Variants in STPG2 observed in about 807,000 individuals in gnomAD.
The protein encoded by STPG2 is sperm tail PG-rich repeat containing 2.
In STPG2, 56 loss-of-function variants were observed where a neutral mutation model predicts 54.2. That is an observed-to-expected ratio of 1.03 (90% CI 0.83 to 1.29). The LOEUF (loss-of-function observed/expected upper bound fraction) is 1.29, where lower values mean the gene tolerates loss of function less well. STPG2 is among the 50% of genes most tolerant of loss of function. STPG2 has a pLI of 0.00. For missense variants in STPG2, 596 were observed against 544.9 expected (o/e 1.09, Z -0.93); for synonymous variants, 200 against 181.8 (o/e 1.10, Z -0.81).
At chr4:97,951,485 A>T (rs1407397821) in intron 7 of STPG2, among the ~76,000 whole-genome samples, 1 of 151,392 alleles carries the variant, frequency 6.6e-6, no homozygotes, top group Non-Finnish European at 1.5e-5. Context: ...GTTTTATTTG[A>T]CTGTGTTTTT....
At chr4:97,906,494 G>T (rs1165549697) in intron 8 of STPG2, among the ~76,000 whole-genome samples, 3 of 152,160 alleles carry the variant, frequency 2.0e-5, no homozygotes, top group Non-Finnish European at 4.4e-5. Context: ...GAAAAAGAGA[G>T]AATCCTCCCT....
chr4:97,677,661 C>T (rs1180480207), intron 10 of STPG2, among the ~76,000 whole-genome samples: 1 of 152,174 alleles, frequency 6.6e-6, no homozygotes, highest in Non-Finnish European at 1.5e-5. Context: ...GCAACCCTTT[C>T]CTTTCTCTCC....
At chr4:97,859,793 T>G (rs1430063417) in intron 8 of STPG2, among the ~76,000 whole-genome samples, 2 of 152,216 alleles carry the variant, frequency 1.3e-5, no homozygotes, top group South Asian at 2.1e-4. Flanking sequence ...TCATCAACTC[T>G]TGGCCTAAGC....
At chr4:97,673,045 C>T (rs996971313) in intron 10 of STPG2, among the ~76,000 whole-genome samples, 1 of 152,186 alleles carries the variant, frequency 6.6e-6, no homozygotes, top group Admixed American at 6.5e-5. Flanking sequence ...ATCTGTGTTG[C>T]TTTTCCAGAA....
intron 5 of STPG2, among the ~76,000 whole-genome samples, chr4:97,988,397 A>G (rs2149267599): frequency 6.6e-6 from 1 of 152,242 alleles, no homozygotes; most frequent in Non-Finnish European, 1.5e-5. Context: ...AGAAAGGTCA[A>G]GTCATTTTCT....
chr4:97,559,170 A>G (rs1732156715), intron 10 of STPG2, 53 bp from the exon 11 acceptor site: 1 of 1,152,996 alleles, frequency 8.7e-7, no homozygotes, highest in African/African-American at 1.6e-5. Context: ...TACAAAAAGA[A>G]AAATAATATT....
At chr4:97,884,624 C>T (rs1214229177) in intron 8 of STPG2, among the ~76,000 whole-genome samples, 1 of 151,998 alleles carries the variant, frequency 6.6e-6, no homozygotes. Context: ...GGTATTTGTT[C>T]AAGCAGCACT....
chr4:97,899,674 TAC>T (rs1310107927), intron 8 of STPG2, among the ~76,000 whole-genome samples: 2 of 152,076 alleles, frequency 1.3e-5, no homozygotes, highest in Non-Finnish European at 2.9e-5. Flanking sequence ...GCTGCACATC[TAC>T]AACCATCTGA....
intron 5 of STPG2, among the ~76,000 whole-genome samples, chr4:97,989,878 T>C (rs1734953758): frequency 6.6e-6 from 1 of 152,260 alleles, no homozygotes; most frequent in African/African-American, 2.4e-5. Flanking sequence ...CATGCAATTT[T>C]AAACCAAATT....
intron 10 of STPG2, among the ~76,000 whole-genome samples, chr4:97,679,992 GT>G (rs1015066032): frequency 7.9e-5 from 12 of 152,064 alleles, no homozygotes; most frequent in Admixed American, 7.2e-4. Flanking sequence ...TTATATCTCT[GT>G]TTTGGTACCA....
At chr4:98,063,709 T>A (rs1737735520) in intron 5 of STPG2, among the ~76,000 whole-genome samples, 1 of 151,618 alleles carries the variant, frequency 6.6e-6, no homozygotes, top group Non-Finnish European at 1.5e-5. Flanking sequence ...CAAGTCTATA[T>A]CAAAATAAAA....
At chr4:97,571,404 G>A (rs919873744) in intron 10 of STPG2, among the ~76,000 whole-genome samples, 8 of 152,058 alleles carry the variant, frequency 5.3e-5, no homozygotes, top group African/African-American at 1.9e-4. Flanking sequence ...GGTCGAACGT[G>A]CCTCATTATA....
intron 5 of STPG2, among the ~76,000 whole-genome samples, chr4:98,077,012 C>T (rs896781278): frequency 2.4e-4 from 36 of 151,876 alleles, no homozygotes; most frequent in Admixed American, 1.1e-3. Context: ...GTATCTTCAG[C>T]GACCCCTCGA....
At chr4:97,731,933 G>A (rs934098265) in intron 9 of STPG2, among the ~76,000 whole-genome samples, 3 of 152,202 alleles carry the variant, frequency 2.0e-5, no homozygotes, top group Admixed American at 6.5e-5. Flanking sequence ...GGGCCAAAAT[G>A]CTCCCATGCC....
intron 9 of STPG2, among the ~76,000 whole-genome samples, chr4:97,756,020 TTATC>T (rs1446333200): frequency 6.6e-6 from 1 of 152,084 alleles, no homozygotes; most frequent in Non-Finnish European, 1.5e-5. Flanking sequence ...CCAATCAAAA[TTATC>T]TATCTTTCTG....
At chr4:97,922,907 A>T (rs1732161668) in intron 8 of STPG2, among the ~76,000 whole-genome samples, 1 of 151,962 alleles carries the variant, frequency 6.6e-6, no homozygotes, top group Non-Finnish European at 1.5e-5. Context: ...TCTTTCTCTC[A>T]TTATTTTCCT....
At chr4:97,794,276 C>T (rs919800753) in intron 9 of STPG2, among the ~76,000 whole-genome samples, 1 of 151,860 alleles carries the variant, frequency 6.6e-6, no homozygotes, top group Non-Finnish European at 1.5e-5. Flanking sequence ...ATGCAAATCC[C>T]TCTCTTAGTG....
chr4:97,752,091 A>G (rs1485723460), intron 9 of STPG2, among the ~76,000 whole-genome samples: 1 of 151,876 alleles, frequency 6.6e-6, no homozygotes, highest in Non-Finnish European at 1.5e-5. Flanking sequence ...CTTCTTATAC[A>G]AAACCCTTAT....
intron 7 of STPG2, 130 bp from the exon 8 acceptor site, chr4:97,944,137 CAAAT>C (rs1021482052): frequency 1.3e-5 from 8 of 600,732 alleles, no homozygotes; most frequent in African/African-American, 9.7e-5. Flanking sequence ...TATTCATAAA[CAAAT>C]AAAATTTTCA....
Sources: gnomAD v4.1 joint callset for allele counts (sites outside exome capture counted in the v4.1 genomes callset) on GRCh38, gnomAD v4.1.1 for gene constraint, MANE v1.5 for transcripts, NCBI Gene and HGNC (gene_info 2026-07-23, HGNC 2026-07-21) for gene names.